PLXNA4: variants seen among roughly 807,000 people sequenced by gnomAD.
PLXNA4 encodes plexin A4.
In PLXNA4, 44 loss-of-function variants were observed where a neutral mutation model predicts 191.8. That is an observed-to-expected ratio of 0.23 (90% CI 0.18 to 0.29). PLXNA4 has a LOEUF of 0.29. Among genes scored for constraint, PLXNA4 ranks in the 10% least tolerant of loss-of-function variants. The pLI, the probability that PLXNA4 is intolerant of heterozygous loss-of-function variation, is 1.00. For synonymous variants in PLXNA4, 1,082 were observed against 1,009.5 expected (o/e 1.07, Z -1.36); for missense variants, 1,800 against 2,488.8 (o/e 0.72, Z 5.89).
chr7:132,277,393 G>C (rs1307885394), intron 4 of PLXNA4, among the ~76,000 whole-genome samples: 3 of 152,192 alleles, frequency 2.0e-5, no homozygotes, highest in Admixed American at 6.5e-5. Flanking sequence ...CACCATGCAG[G>C]TCCTGTGAGG....
At position 132,499,419 on chromosome 7, in the gene PLXNA4, C is replaced by T. The variant is rs183710703; in HGVS notation, c.1188+8087G>A. Among the ~76,000 whole-genome samples, 655 of 152,338 alleles carry T rather than the reference C, an allele frequency of 4.3e-3. 2 individuals are homozygous for T. The highest frequency in any genetic ancestry group is 0.037 in the Middle Eastern group (11 of 294). On this transcript the variant is annotated intron_variant, in intron 2 of 31. Transcript: ENST00000321063. ...ATCCCAGGGAAGTTTCTCAGCATTGCGAATGGTAACAACCAAAACCTACTG... is the reference window on the plus strand; with the variant it reads ...ATCCCAGGGAAGTTTCTCAGCATTGTGAATGGTAACAACCAAAACCTACTG...
intron 3 of PLXNA4, among the ~76,000 whole-genome samples, chr7:132,395,555 T>C (rs1793722616): frequency 6.6e-6 from 1 of 152,208 alleles, no homozygotes. Flanking sequence ...GTGCATCTCA[T>C]GTCTGGCCAT....
At chr7:132,132,448 TTCTGTTCTGTTCTGTTCTGCTCTGC>T (rs1439161275) in intron 31 of PLXNA4, among the ~76,000 whole-genome samples, 723 of 67,642 alleles carry the variant, frequency 0.011, 8 homozygotes, top group African/African-American at 0.037. Context: ...TTCTGTTCTG[TTCTGTTCTGTTCTGTTCTGCTCTGC>T]TCTGCTCTGC....
At chr7:132,442,283 T>C (rs950811506) in intron 3 of PLXNA4, among the ~76,000 whole-genome samples, 2 of 152,126 alleles carry the variant, frequency 1.3e-5, no homozygotes, top group African/African-American at 4.8e-5. Flanking sequence ...AGGTCCCTGA[T>C]GCCAAAAGCT....
At chr7:132,263,451 A>T (rs1001102110) in intron 4 of PLXNA4, among the ~76,000 whole-genome samples, 1 of 152,204 alleles carries the variant, frequency 6.6e-6, no homozygotes, top group Non-Finnish European at 1.5e-5. Flanking sequence ...GGGCTGAGTT[A>T]TGAGTGCCTC....
intron 2 of PLXNA4, among the ~76,000 whole-genome samples, chr7:132,645,324 T>C (rs2116895930): frequency 6.6e-6 from 1 of 152,258 alleles, no homozygotes; most frequent in East Asian, 1.9e-4. Flanking sequence ...CATGCTGTTC[T>C]CATGACAGTG....
At chr7:132,541,560 T>C (rs1800088046) in intron 1 of PLXNA4, among the ~76,000 whole-genome samples, 1 of 152,236 alleles carries the variant, frequency 6.6e-6, no homozygotes, top group Admixed American at 6.5e-5. Flanking sequence ...GGTTTTTTCG[T>C]TGTTTTCCTT....
intron 5 of PLXNA4, among the ~76,000 whole-genome samples, chr7:132,235,048 T>C (rs933081114): frequency 6.6e-5 from 10 of 152,348 alleles, no homozygotes; most frequent in East Asian, 1.9e-4. Flanking sequence ...TAAGTGGACA[T>C]TGGCATGGCT....
chr7:132,243,244 A>G (rs1249351570), intron 4 of PLXNA4, among the ~76,000 whole-genome samples: 1 of 152,250 alleles, frequency 6.6e-6, no homozygotes, highest in Non-Finnish European at 1.5e-5. Flanking sequence ...TAAGTACACA[A>G]TAATGTTTTC....
At chr7:132,201,167 G>A (rs4728252) in intron 12 of PLXNA4, among the ~76,000 whole-genome samples, 52,772 of 151,950 alleles carry the variant, frequency 0.35, 9,936 homozygotes, top group East Asian at 0.59. Flanking sequence ...GGCCATCTCC[G>A]AGTCAAGGAG....
intron 3 of PLXNA4, among the ~76,000 whole-genome samples, chr7:132,402,442 C>T (rs1319088364): frequency 6.6e-6 from 1 of 152,216 alleles, no homozygotes; most frequent in Non-Finnish European, 1.5e-5. Flanking sequence ...ATACTCAAGT[C>T]CAAGTTCTAA....
At chr7:132,582,630 C>G (rs372538821) in intron 2 of PLXNA4, among the ~76,000 whole-genome samples, 1 of 152,272 alleles carries the variant, frequency 6.6e-6, no homozygotes, top group African/African-American at 2.4e-5. Flanking sequence ...GTGAGCCACC[C>G]TAGGAGCCCA....
intron 5 of PLXNA4, 115 bp from the exon 6 acceptor site, chr7:132,228,584 C>T: frequency 7.4e-7 from 1 of 1,348,964 alleles, no homozygotes; most frequent in Non-Finnish European, 1.0e-6. Flanking sequence ...ACTCAATGCG[C>T]CCAGAGCTAA....
intron 29 of PLXNA4, among the ~76,000 whole-genome samples, chr7:132,141,542 G>A (rs1795269545): frequency 6.6e-6 from 1 of 152,108 alleles, no homozygotes; most frequent in South Asian, 2.1e-4. Flanking sequence ...GTGGGTTCAT[G>A]GAAAGGCAGA....
intron 3 of PLXNA4, among the ~76,000 whole-genome samples, chr7:132,435,203 C>A (rs1454468338): frequency 6.6e-6 from 1 of 152,126 alleles, no homozygotes; most frequent in Admixed American, 6.6e-5. Context: ...CTGAGATCTG[C>A]AGTCTTCAGT....
intron 3 of PLXNA4, among the ~76,000 whole-genome samples, chr7:132,448,641 C>T (rs1237269842): frequency 1.3e-5 from 2 of 152,072 alleles, no homozygotes; most frequent in Non-Finnish European, 2.9e-5. Context: ...CATCTTATTC[C>T]CTCTGCAGCT....
chr7:132,170,857 G>A (rs1337460265), intron 21 of PLXNA4, among the ~76,000 whole-genome samples: 1 of 152,222 alleles, frequency 6.6e-6, no homozygotes, highest in African/African-American at 2.4e-5. Flanking sequence ...TCTCACTGTG[G>A]TGCTGGTCCT....
intron 4 of PLXNA4, among the ~76,000 whole-genome samples, chr7:132,256,902 T>C (rs983215115): frequency 2.6e-5 from 4 of 152,022 alleles, no homozygotes; most frequent in Non-Finnish European, 5.9e-5. Context: ...GGGGTGAGCA[T>C]AGAGATAACA....
chr7:132,296,615 G>T (rs931965988), intron 4 of PLXNA4, among the ~76,000 whole-genome samples: 10 of 152,012 alleles, frequency 6.6e-5, no homozygotes, highest in African/African-American at 2.4e-4. Context: ...TATGTTTTAA[G>T]TCCCAGGTTC....
Sources: allele counts gnomAD v4.1 joint callset (sites outside exome capture counted in the v4.1 genomes callset), GRCh38; gene constraint gnomAD v4.1.1; transcripts MANE v1.5; gene names NCBI Gene and HGNC (gene_info 2026-07-23, HGNC 2026-07-21).